The following PDE3B variants were observed in gnomAD, a reference collection of about 807,000 sequenced individuals.
PDE3B encodes phosphodiesterase 3B.
PDE3B carries 66 observed loss-of-function variants against 116.8 expected under a neutral mutation model. The ratio of observed to expected loss-of-function variants is 0.56; its 90% confidence interval spans 0.46 to 0.69. The LOEUF (loss-of-function observed/expected upper bound fraction) is 0.69. PDE3B is among the 30% of genes least tolerant of loss of function. The pLI is 0.00. For synonymous variants in PDE3B, 595 were observed against 533.6 expected (o/e 1.12, Z -1.59); for missense variants, 1,384 against 1,368.1 (o/e 1.01, Z -0.18).
At chr11:14,658,601 C>T (rs1406258682) in intron 1 of PDE3B, among the ~76,000 whole-genome samples, 2 of 152,110 alleles carry the variant, frequency 1.3e-5, no homozygotes, top group East Asian at 1.9e-4. Flanking sequence ...GTGATCCGCC[C>T]GCCTCGGCCT....
At chr11:14,674,350 T>C in intron 1 of PDE3B, 1 of 806,490 alleles carries the variant, frequency 1.2e-6, no homozygotes, top group East Asian at 2.8e-5. Flanking sequence ...TTTCTGCAAA[T>C]TAGTGTCCTT....
intron 2 of PDE3B, among the ~76,000 whole-genome samples, chr11:14,778,324 T>TCC (rs1857856354): frequency 6.6e-6 from 1 of 152,184 alleles, no homozygotes; most frequent in Admixed American, 6.5e-5. Context: ...GGAGTGGTTC[T>TCC]CCCAGCACGG....
intron 1 of PDE3B, among the ~76,000 whole-genome samples, chr11:14,708,691 A>G (rs1855605203): frequency 6.6e-6 from 1 of 152,072 alleles, no homozygotes; most frequent in Admixed American, 6.6e-5. Context: ...AATATTCCTC[A>G]TCTTAGGAAA....
intron 1 of PDE3B, among the ~76,000 whole-genome samples, chr11:14,646,803 G>A (rs1853420615): frequency 6.6e-6 from 1 of 151,980 alleles, no homozygotes; most frequent in South Asian, 2.1e-4. Context: ...AGCTATACCA[G>A]GTAGCTTCAA....
At chr11:14,708,101 T>A (rs886628654) in intron 1 of PDE3B, among the ~76,000 whole-genome samples, 1 of 152,054 alleles carries the variant, frequency 6.6e-6, no homozygotes, top group Non-Finnish European at 1.5e-5. Context: ...GATATTTGGG[T>A]CATAGGGATG....
chr11:14,706,743 G>A (rs1047211184), intron 1 of PDE3B, among the ~76,000 whole-genome samples: 1 of 151,946 alleles, frequency 6.6e-6, no homozygotes, highest in African/African-American at 2.4e-5. Flanking sequence ...TTCATTAGGT[G>A]CATACAATAC....
At position 14,823,417 on chromosome 11, in the gene PDE3B, C is replaced by T. The variant is rs1162939932; in HGVS notation, c.1807+4208C>T. ...AGGGAGGGGCAAGCTGCCATCTTTG[C>T]TGTTTTGCAGCCTTAACCATTGTTG... On this transcript the variant is annotated intron_variant, in intron 7 of 15. Coordinates refer to ENST00000282096, the MANE Select transcript of PDE3B (RefSeq NM_000922.4). 3.3e-5 allele frequency among the ~76,000 whole-genome samples: 5 copies of T among 152,184 alleles called. No homozygotes were observed. In the East Asian group the frequency reaches 7.7e-4, roughly 23 times the overall value.
At chr11:14,879,275 C>T in the PDE3B span, 3 of 1,613,278 alleles carry the variant, frequency 1.9e-6, no homozygotes, top group Non-Finnish European at 2.5e-6. Context: ...GGAATAACCA[C>T]GTACAACTGC....
intron 5 of PDE3B, among the ~76,000 whole-genome samples, chr11:14,814,095 T>G (rs1859240844): frequency 1.3e-5 from 2 of 152,096 alleles, no homozygotes; most frequent in South Asian, 2.1e-4. Context: ...ATAAGCAAAT[T>G]GGGAATAGAG....
In PDE3B at chr11:14,802,780, AAC is replaced by A. The variant is rs1252908293; in HGVS notation, c.1416-1160_1416-1159del. Among the ~76,000 whole-genome samples the A allele has an allele frequency of 3.3e-5, 5 of 152,238 alleles. No homozygotes were observed. The East Asian group carries it at 9.6e-4, about 29-fold the overall frequency. On this transcript the variant is annotated intron_variant, in intron 4 of 15. Transcript: ENST00000282096. ...CAAAGCTGTGGATGCCCATCCAGGAAACACAGACTCCAAGGAAATAGGGTCAG... is the reference window on the plus strand; with the variant it reads ...CAAAGCTGTGGATGCCCATCCAGGAAACAGACTCCAAGGAAATAGGGTCAG...
At chr11:14,692,718 C>T (rs1855080481) in intron 1 of PDE3B, among the ~76,000 whole-genome samples, 1 of 152,130 alleles carries the variant, frequency 6.6e-6, no homozygotes, top group Non-Finnish European at 1.5e-5. Context: ...TACCAGCTGG[C>T]TCTTCCCCTA....
the PDE3B span, among the ~76,000 whole-genome samples, chr11:14,883,912 C>CA: frequency 2.0e-5 from 3 of 152,044 alleles, no homozygotes; most frequent in African/African-American, 4.8e-5. Context: ...TTTATGCAGC[C>CA]AAAAAACACA....
intron 13 of PDE3B, among the ~76,000 whole-genome samples, chr11:14,860,023 A>G (rs1847917823): frequency 6.6e-6 from 1 of 152,212 alleles, no homozygotes; most frequent in Non-Finnish European, 1.5e-5. Flanking sequence ...ACTGGTAACA[A>G]AGGAGTACTA....
At chr11:14,725,329 T>TTCTTTTTC (rs1554986140) in intron 1 of PDE3B, among the ~76,000 whole-genome samples, 112 of 123,276 alleles carry the variant, frequency 9.1e-4, no homozygotes, top group African/African-American at 3.1e-3. Flanking sequence ...CTTTCTTTCT[T>TTCTTTTTC]TTTCTTTCTT....
chr11:14,880,442 A>G, the PDE3B span: 2 of 1,613,486 alleles, frequency 1.2e-6, no homozygotes, highest in Non-Finnish European at 1.7e-6. Context: ...ATCCATGGAA[A>G]GGCATTATAC....
At position 14,831,813 on chromosome 11, in the gene PDE3B, T is replaced by C. The variant is rs1859892636; in HGVS notation, c.2094+36T>C. On this transcript the variant is annotated intron_variant, in intron 9 of 15. Transcript: ENST00000282096. ...AAATATCTACTTTTTAACTGTAAAT[T>C]AATTTTTCTTAAATCTTTATAAAAA... 4.6e-6 allele frequency: 7 copies of C among 1,505,880 alleles called. No individual in the cohort carries two copies. In the South Asian group the frequency reaches 7.2e-5, roughly 16 times the overall value. The allele number at this position is 1,505,880 out of a possible 1,614,324, so 93.3% of individuals were successfully genotyped here. A position where few individuals can be genotyped will look rare whatever the true frequency, so the allele number is the denominator to read the frequency against.
In PDE3B at chr11:14,644,516, G is replaced by A; in HGVS notation, c.441G>A (p.Arg147=). 1 of 1,609,036 alleles carries A rather than the reference G, an allele frequency of 6.2e-7. No homozygotes were observed. Among genetic ancestry groups the A allele is most frequent in the Non-Finnish European group, 8.5e-7 (1 of 1,177,882 alleles). ...TRTKRGPGPG[R]SCGSWWLLAL... Reference sequence around the variant, plus strand: ...CCAAGCGGGGACCCGGCCCGGGCCGGAGCTGCGGCTCCTGGTGGCTGCTGG... The same window carrying A: ...CCAAGCGGGGACCCGGCCCGGGCCGAAGCTGCGGCTCCTGGTGGCTGCTGG... The change falls in exon 1 of 16, where the codon CGG becomes CGA. Residue 147 remains arginine, a synonymous_variant. Transcript: ENST00000282096.
chr11:14,678,640 T>C (rs1391552225), intron 1 of PDE3B, among the ~76,000 whole-genome samples: 2 of 152,174 alleles, frequency 1.3e-5, no homozygotes, highest in African/African-American at 2.4e-5. Flanking sequence ...ATATCATCTT[T>C]GGTTAAGTGG....
chr11:14,807,748 T>G (rs527519360), intron 5 of PDE3B, among the ~76,000 whole-genome samples: 1 of 152,166 alleles, frequency 6.6e-6, no homozygotes, highest in South Asian at 2.1e-4. Context: ...TACGCTCCAA[T>G]TAAAAGACAA....
Sources: gnomAD v4.1 joint callset for allele counts (sites outside exome capture counted in the v4.1 genomes callset) on GRCh38, gnomAD v4.1.1 for gene constraint, MANE v1.5 for transcripts, NCBI Gene and HGNC (gene_info 2026-07-23, HGNC 2026-07-21) for gene names.